The following BAZ2B variants were observed in gnomAD, a reference collection of about 807,000 sequenced individuals.
The protein encoded by BAZ2B is bromodomain adjacent to zinc finger domain 2B, also known as bromodomain adjacent to zinc finger domain protein 2B.
BAZ2B carries 91 observed loss-of-function variants against 246.0 expected under a neutral mutation model. That is an observed-to-expected ratio of 0.37 (90% confidence interval 0.31 to 0.44). The LOEUF (loss-of-function observed/expected upper bound fraction) is 0.44, where lower values mean the gene tolerates loss of function less well. BAZ2B is among the 20% of genes least tolerant of loss of function. The pLI is 1.00. For synonymous variants in BAZ2B, 855 were observed against 860.0 expected (o/e 0.99, Z 0.10); for missense variants, 2,332 against 2,533.7 (o/e 0.92, Z 1.71).
At chr2:159,387,093 A>T (rs574852644) in intron 21 of BAZ2B, among the ~76,000 whole-genome samples, 1 of 152,288 alleles carries the variant, frequency 6.6e-6, no homozygotes, top group East Asian at 1.9e-4. Flanking sequence ...AACAGCATGC[A>T]TCTGTGGGCT....
chr2:159,401,660 G>A (rs1053791171), intron 16 of BAZ2B, among the ~76,000 whole-genome samples: 4 of 151,914 alleles, frequency 2.6e-5, no homozygotes, highest in African/African-American at 7.3e-5. Flanking sequence ...TGGGGTACAC[G>A]TTGTCTAAAT....
At chr2:159,396,850 C>A (rs1484562374) in intron 19 of BAZ2B, among the ~76,000 whole-genome samples, 1 of 152,038 alleles carries the variant, frequency 6.6e-6, no homozygotes, top group Non-Finnish European at 1.5e-5. Flanking sequence ...TTTTAGAGAG[C>A]AGCCTTATTT....
intron 2 of BAZ2B, among the ~76,000 whole-genome samples, chr2:159,522,419 A>AT (rs2084230481): frequency 6.6e-6 from 1 of 152,182 alleles, no homozygotes; most frequent in Non-Finnish European, 1.5e-5. Flanking sequence ...ATTCATAATA[A>AT]TAACAGCTTT....
At chr2:159,401,859 C>T (rs2884110) in intron 16 of BAZ2B, among the ~76,000 whole-genome samples, 105,247 of 152,022 alleles carry the variant, frequency 0.69, 38,081 homozygotes, top group Non-Finnish European at 0.82. Context: ...AAAAAGAAAA[C>T]TCAAAGTTTC....
At chr2:159,611,791 TAAAC>T (rs1222382175) in intron 1 of BAZ2B, among the ~76,000 whole-genome samples, 1 of 151,984 alleles carries the variant, frequency 6.6e-6, no homozygotes, top group Non-Finnish European at 1.5e-5. Context: ...TAGTAATAAA[TAAAC>T]TATATTATAT....
intron 1 of BAZ2B, among the ~76,000 whole-genome samples, chr2:159,611,271 T>A (rs1559902301): frequency 6.6e-6 from 1 of 151,658 alleles, no homozygotes; most frequent in Non-Finnish European, 1.5e-5. Flanking sequence ...AGGAGTCCTT[T>A]AAAAAAAAGT....
rs562314386 is a variant in BAZ2B, at chr2:159,422,255, A to G, written c.2466+5686T>C. Among the ~76,000 whole-genome samples, 15 of 152,344 alleles carry G rather than the reference A, an allele frequency of 9.8e-5. No homozygotes were observed. The South Asian group carries it at 2.9e-3, about 29-fold the overall frequency. Reference sequence around the variant, plus strand: ...AACAGAAAAAACTATTCTAAAATTCATATGAAACCTAAAGAGCCTAAATTG... The same window carrying G: ...AACAGAAAAAACTATTCTAAAATTCGTATGAAACCTAAAGAGCCTAAATTG... On this transcript the variant is annotated intron_variant, in intron 13 of 36. Transcript: ENST00000392783.
At chr2:159,667,414 G>T in the BAZ2B span, among the ~76,000 whole-genome samples, 1 of 151,762 alleles carries the variant, frequency 6.6e-6, no homozygotes, top group South Asian at 2.1e-4. Flanking sequence ...TGGCCAACAT[G>T]GTGAAATCTT....
chr2:159,489,267 T>C (rs2080182822), intron 2 of BAZ2B, among the ~76,000 whole-genome samples: 2 of 151,764 alleles, frequency 1.3e-5, no homozygotes, highest in Admixed American at 6.6e-5. Context: ...AACAGTAATC[T>C]GAATAAAAAA....
At position 159,430,845 on chromosome 2, in the gene BAZ2B, A is replaced by C. The variant is rs2070971626; in HGVS notation, c.2194+18T>G. Reference sequence around the variant, plus strand: ...GTTTGACTTCTACTTTAGAATAATAAAAATAAAGTGTAGGTACCAGAGTGT... The same window carrying C: ...GTTTGACTTCTACTTTAGAATAATACAAATAAAGTGTAGGTACCAGAGTGT... On this transcript the variant is annotated intron_variant, in intron 10 of 36. Transcript: ENST00000392783. The C allele has an allele frequency of 6.3e-7, 1 of 1,592,142 alleles. No homozygotes were observed. Among genetic ancestry groups the C allele is most frequent in the Non-Finnish European group, 8.5e-7 (1 of 1,171,990 alleles).
At chr2:159,375,910 C>A (rs2061365513) in intron 25 of BAZ2B, among the ~76,000 whole-genome samples, 2 of 152,092 alleles carry the variant, frequency 1.3e-5, no homozygotes, top group African/African-American at 4.8e-5. Flanking sequence ...ATACTATATA[C>A]TTGATATACT....
At position 159,371,026 on chromosome 2, in the gene BAZ2B, A is replaced by G. The variant is rs1007851347; in HGVS notation, c.4213+2019T>C. 5.9e-5 allele frequency among the ~76,000 whole-genome samples: 9 copies of G among 151,794 alleles called. No individual in the cohort carries two copies. The South Asian group carries it at 1.2e-3, about 21-fold the overall frequency. On this transcript the variant is annotated intron_variant, in intron 27 of 36. Coordinates refer to ENST00000392783, the MANE Select transcript of BAZ2B (RefSeq NM_013450.4). The stretch of plus-strand genomic sequence containing the variant: ...TTTCTCCATGTTGGTCAGGCTCGTC[A>G]CGAACTCCTGACCTCAGGTAATCTG...
intron 24 of BAZ2B, among the ~76,000 whole-genome samples, chr2:159,383,154 TTA>T (rs2062208694): frequency 6.6e-6 from 1 of 152,142 alleles, no homozygotes; most frequent in African/African-American, 2.4e-5. Context: ...AACTAACCTC[TTA>T]ACATAGGAGT....
At chr2:159,516,596 G>C (rs951790776) in intron 2 of BAZ2B, 6 of 152,478 alleles carry the variant, frequency 3.9e-5, no homozygotes, top group African/African-American at 1.4e-4. Context: ...ATTGTAATGA[G>C]ATACTGTCGG....
chr2:159,338,210 C>T (rs537889512), intron 31 of BAZ2B, among the ~76,000 whole-genome samples: 23 of 152,190 alleles, frequency 1.5e-4, no homozygotes, highest in Non-Finnish European at 3.1e-4. Flanking sequence ...TATGCTATTA[C>T]CTTTATCTGT....
chr2:159,438,513 A>G lies in BAZ2B; in HGVS notation c.1083T>C (p.Ser361=). The G allele has an allele frequency of 6.2e-7, 1 of 1,614,174 alleles. No individual in the cohort carries two copies. Among genetic ancestry groups the G allele is most frequent in the East Asian group, 2.2e-5 (1 of 44,876 alleles). The change falls in exon 8 of 37, where the codon TCT becomes TCC. Residue 361 remains serine, a synonymous_variant. Coordinates refer to ENST00000392783, the MANE Select transcript of BAZ2B (RefSeq NM_013450.4). Reference sequence around the variant, plus strand: ...TGTTCACAGATTCCTCCTTTGCCTGAGAGCTTTGGAAAATAAATGGAAGCT... The same window carrying G: ...TGTTCACAGATTCCTCCTTTGCCTGGGAGCTTTGGAAAATAAATGGAAGCT... ...SQQLPFIFQS[S]QAKEESVNKH...
intron 2 of BAZ2B, among the ~76,000 whole-genome samples, chr2:159,527,914 C>T (rs1029931307): frequency 3.3e-5 from 5 of 152,232 alleles, no homozygotes; most frequent in African/African-American, 9.6e-5. Flanking sequence ...AGCCTTCTCA[C>T]AGGGGAAGGC....
rs375505180 is a variant in BAZ2B at position 159,384,464 on chromosome 2, G to A, written c.3686+691C>T. ...CACACTGGTAGAAATGCATGACCCC[G>A]AATATTTGGATTGATCCTTTTTCTA... On this transcript the variant is annotated intron_variant, in intron 23 of 36. Transcript: ENST00000392783. Among the ~76,000 whole-genome samples the A allele has an allele frequency of 5.9e-4, 89 of 152,066 alleles. 1 individual carries two copies. The South Asian group carries it at 0.018, about 31-fold the overall frequency.
intron 33 of BAZ2B, 127 bp from the exon 34 acceptor site, chr2:159,332,813 G>T (rs1216921357): frequency 9.3e-7 from 1 of 1,071,116 alleles, no homozygotes. Context: ...CAAATATACA[G>T]TAGCCATACA....
Sources: gnomAD v4.1 joint callset for allele counts (sites outside exome capture counted in the v4.1 genomes callset) on GRCh38, gnomAD v4.1.1 for gene constraint, MANE v1.5 for transcripts, NCBI Gene and HGNC (gene_info 2026-07-23, HGNC 2026-07-21) for gene names.